TSBP1: variants seen among roughly 807,000 people sequenced by gnomAD.
The protein encoded by TSBP1 is testis expressed basic protein 1.
A neutral mutation model predicts 68.8 loss-of-function variants in TSBP1; 56 were observed. The observed-to-expected ratio is 0.81, with a 90% CI of 0.66 to 1.02. The LOEUF is 1.02. Among genes scored for constraint, TSBP1 ranks in the 50% least tolerant of loss-of-function variants. The probability of loss-of-function intolerance (pLI) is 0.00; values close to 1 mark genes in which losing one functional copy is unlikely to be tolerated. For missense variants in TSBP1, 502 were observed against 641.2 expected, an observed-to-expected ratio of 0.78 and a Z score of 2.34; for synonymous variants, 171 against 208.7, an observed-to-expected ratio of 0.82 and a Z score of 1.56.
At chr6:32,293,909 T>C in exon 23 of TSBP1, 1 of 1,612,920 alleles carries the variant, frequency 6.2e-7, no homozygotes, top group Non-Finnish European at 8.5e-7. Context: ...TATGATGTCA[T>C]TCTTTAGTGC....
chr6:32,342,286 C>T (rs1355650239), intron 9 of TSBP1, among the ~76,000 whole-genome samples: 1 of 151,876 alleles, frequency 6.6e-6, no homozygotes, highest in Non-Finnish European at 1.5e-5. Flanking sequence ...GCCTCAGCCT[C>T]CCGAGTAGCT....
chr6:32,301,032 T>G (rs1765232401), intron 20 of TSBP1, among the ~76,000 whole-genome samples: 1 of 152,076 alleles, frequency 6.6e-6, no homozygotes, highest in African/African-American at 2.4e-5. Flanking sequence ...ATACGAATTT[T>G]TTTTTAATAT....
chr6:32,312,761 A>T (rs1766533948), intron 19 of TSBP1, among the ~76,000 whole-genome samples: 1 of 152,044 alleles, frequency 6.6e-6, no homozygotes, highest in Non-Finnish European at 1.5e-5. Flanking sequence ...ATTCAGTCGA[A>T]CAGCAGGCCC....
Position 32,337,937 on chromosome 6 carries a change from C to CT in TSBP1, c.409+1041dup, listed in dbSNP as rs11324222. Among the ~76,000 whole-genome samples, 58 of 152,054 alleles carry CT rather than the reference C, an allele frequency of 3.8e-4. No homozygotes were observed. Among genetic ancestry groups the CT allele is most frequent in the Admixed American group, 6.5e-4 (10 of 15,272 alleles). The stretch of plus-strand genomic sequence containing the variant: ...ACCATGAGCTTTAATTATCAAATCA[C>CT]TTTTTTTCTCCTTCCTTCAGAGTTA... On this transcript the variant is annotated intron_variant, in intron 11 of 22. Transcript: ENST00000612031. This position sits in a 1 kb window ranked among gnomAD's most constrained non-coding sequence, Gnocchi z 5.5.
In TSBP1 at chr6:32,331,289, C is replaced by T. The variant is rs867315855; in HGVS notation, c.494-680G>A. On this transcript the variant is annotated intron_variant, in intron 15 of 22. Transcript: ENST00000612031. ...CTTGTTCATTTCTTATATTCTTTTC[C>T]AGATTCGATTACACCTTTGCCTTAG... is the stretch of plus-strand genomic sequence containing the variant. Among the ~76,000 whole-genome samples the T allele has an allele frequency of 3.1e-4, 47 of 152,178 alleles. 1 individual carries two copies. The highest frequency in any genetic ancestry group is 1.1e-3 in the African/African-American group (46 of 41,510).
intron 18 of TSBP1, among the ~76,000 whole-genome samples, chr6:32,322,220 T>C (rs1583037835): frequency 6.6e-6 from 1 of 152,348 alleles, no homozygotes; most frequent in East Asian, 1.9e-4. Flanking sequence ...ACGAATTCTA[T>C]ATTAAATATC....
chr6:32,358,867 A>G (rs1332335123), intron 6 of TSBP1, among the ~76,000 whole-genome samples: 1 of 151,992 alleles, frequency 6.6e-6, no homozygotes, highest in Non-Finnish European at 1.5e-5. Flanking sequence ...TAGTGCCGCA[A>G]TAAACATACG....
chr6:32,349,367 G>A (rs919189065), intron 9 of TSBP1: 1 of 167,928 alleles, frequency 6.0e-6, no homozygotes, highest in African/African-American at 2.4e-5. Flanking sequence ...CTGCCCTTTC[G>A]TGCTAGCCAT....
At position 32,325,086 on chromosome 6, in the gene TSBP1, C is replaced by CT. The variant is rs543886582; in HGVS notation, c.515-1473dup. ...AACATTCTTTAGAGTCATGTAAAAA[C>CT]TTTTTTCTCAGGTCTTTATTTTTTA... On this transcript the variant is annotated intron_variant, in intron 16 of 22. Transcript: ENST00000612031. The surrounding 1 kb of genome is among the most constrained non-coding windows in gnomAD (Gnocchi z 4.4). The CT allele has an allele frequency of 4.3e-6, 2 of 460,226 alleles. No individual in the cohort carries two copies. The highest frequency in any genetic ancestry group is 2.0e-5 in the African/African-American group (1 of 50,092). 28.5% of individuals were successfully genotyped at this position (460,226 alleles called of 1,614,324 possible).
Position 32,337,368 on chromosome 6 carries a change from C to T in TSBP1, c.410-733G>A, listed in dbSNP as rs1769801728. Among the ~76,000 whole-genome samples, 1 of 152,122 alleles carries T rather than the reference C, an allele frequency of 6.6e-6. No homozygotes were observed. Among genetic ancestry groups the T allele is most frequent in the Non-Finnish European group, 1.5e-5 (1 of 68,004 alleles). On this transcript the variant is annotated intron_variant, in intron 11 of 22. Coordinates refer to ENST00000612031, the Ensembl canonical transcript of TSBP1. This position sits in a 1 kb window ranked among gnomAD's most constrained non-coding sequence, Gnocchi z 5.5. ...GGCAGCGTTCCTTCCCCTTTCCCCACGGGTGTCCTGCTTGTATCTCAGGAG... is the reference window on the plus strand; with the variant it reads ...GGCAGCGTTCCTTCCCCTTTCCCCATGGGTGTCCTGCTTGTATCTCAGGAG...
chr6:32,348,173 T>C (rs979427927), intron 9 of TSBP1, among the ~76,000 whole-genome samples: 30 of 152,310 alleles, frequency 2.0e-4, no homozygotes, highest in Non-Finnish European at 4.0e-4. Flanking sequence ...GATTTCCCCT[T>C]TGGAGGGTTT....
chr6:32,296,262 A>G (rs1465279997), intron 22 of TSBP1, among the ~76,000 whole-genome samples: 1 of 150,886 alleles, frequency 6.6e-6, no homozygotes, highest in Non-Finnish European at 1.5e-5. Flanking sequence ...CAATTATAAA[A>G]ATGAGGCACA....
chr6:32,323,405 A>G (rs1301098370), intron 17 of TSBP1, 186 bp downstream of exon 18: 11 of 722,344 alleles, frequency 1.5e-5, no homozygotes, highest in Admixed American at 6.1e-5. Context: ...TATGTTTGAA[A>G]TTATGTAAAT....
At chr6:32,293,950 C>T in exon 23 of TSBP1, 1 of 1,612,606 alleles carries the variant, frequency 6.2e-7, no homozygotes, top group Non-Finnish European at 8.5e-7. Flanking sequence ...TATTCTGAGA[C>T]CTTGCAGTGC....
Position 32,325,180 on chromosome 6 carries a change from G to A in TSBP1, c.515-1566C>T, listed in dbSNP as rs1380792766. 1.1e-5 allele frequency: 6 copies of A among 548,250 alleles called. No homozygotes were observed. Among genetic ancestry groups the A allele is most frequent in the Non-Finnish European group, 1.6e-5 (5 of 311,352 alleles). 34.0% of individuals were successfully genotyped at this position (548,250 alleles called of 1,614,324 possible). On this transcript the variant is annotated intron_variant, in intron 16 of 22. Transcript: ENST00000612031. This position sits in a 1 kb window ranked among gnomAD's most constrained non-coding sequence, Gnocchi z 4.4. Reference sequence around the variant, plus strand: ...ATGCCTTTCTGCCCATGGATGCCATGGAAGAAGCATCATTAAAGTCTCTCT... The same window carrying A: ...ATGCCTTTCTGCCCATGGATGCCATAGAAGAAGCATCATTAAAGTCTCTCT...
chr6:32,367,783 G>GAGAA (rs1171641390), intron 4 of TSBP1, 142 bp downstream of exon 4: 1 of 565,602 alleles, frequency 1.8e-6, no homozygotes, highest in Non-Finnish European at 3.0e-6. Flanking sequence ...TCTTGAGAAA[G>GAGAA]AGAGGAGTGA....
Position 32,343,104 on chromosome 6 carries a change from G to T in TSBP1, c.350-3466C>A. 2.2e-6 allele frequency: 1 copy of T among 450,280 alleles called. No homozygotes were observed. The allele number at this position is 450,280 out of a possible 1,614,324, so 27.9% of individuals were successfully genotyped here. ...GTTAAGATGGCTAATGAAGGACAAG[G>T]TGGAGAATTATGAGTCTTAAGCCCT... On this transcript the variant is annotated intron_variant, in intron 9 of 22. Coordinates refer to ENST00000612031, the Ensembl canonical transcript of TSBP1. The surrounding 1 kb of genome is among the most constrained non-coding windows in gnomAD (Gnocchi z 4.3).
chr6:32,299,856 A>G (rs1765104121), intron 22 of TSBP1, 66 bp downstream of exon 25: 1 of 1,326,538 alleles, frequency 7.5e-7, no homozygotes, highest in Non-Finnish European at 1.1e-6. Flanking sequence ...GAGTAGAAAC[A>G]GACAGGTCAC....
chr6:32,328,308 C>A (rs1280859282), intron 16 of TSBP1, among the ~76,000 whole-genome samples: 4 of 151,936 alleles, frequency 2.6e-5, no homozygotes, highest in Non-Finnish European at 2.9e-5. Flanking sequence ...AGGGCAGTGA[C>A]ACGATCTCGG....
Sources: allele counts gnomAD v4.1 joint callset (sites outside exome capture counted in the v4.1 genomes callset), GRCh38; gene constraint gnomAD v4.1.1; non-coding constraint Gnocchi (gnomAD v3.1); transcripts MANE v1.5; gene names NCBI Gene and HGNC (gene_info 2026-07-23, HGNC 2026-07-21).